The following MEMO1 variants were observed in gnomAD, a reference collection of about 807,000 sequenced individuals.
MEMO1 encodes protein MEMO1.
A neutral mutation model predicts 45.2 loss-of-function variants in MEMO1; 6 were observed. That is an observed-to-expected ratio of 0.13 (90% confidence interval 0.07 to 0.26). The LOEUF (loss-of-function observed/expected upper bound fraction) is 0.26. Ranked by LOEUF, MEMO1 falls within the 10% of genes least tolerant of loss-of-function variation. MEMO1 has a pLI of 1.00. For synonymous variants in MEMO1, 78 were observed against 124.3 expected (o/e 0.63, Z 2.48); for missense variants, 184 against 370.5 (o/e 0.50, Z 4.13).
intron 2 of MEMO1, among the ~76,000 whole-genome samples, chr2:32,002,253 G>A (rs1230702835): frequency 7.5e-5 from 10 of 133,766 alleles, no homozygotes; most frequent in East Asian, 2.1e-4. Context: ...ACATATATAC[G>A]TGTATATATA....
chr2:31,989,750 A>G (rs1671714511), intron 2 of MEMO1, among the ~76,000 whole-genome samples: 1 of 152,182 alleles, frequency 6.6e-6, no homozygotes, highest in Non-Finnish European at 1.5e-5. Flanking sequence ...ATTTTTTTTA[A>G]AAAAGGAACT....
At chr2:32,002,696 A>G (rs1673561742) in intron 2 of MEMO1, among the ~76,000 whole-genome samples, 1 of 152,202 alleles carries the variant, frequency 6.6e-6, no homozygotes, top group South Asian at 2.1e-4. Context: ...ATTAGGGATT[A>G]TATACATACA....
At chr2:32,002,352 C>A (rs542811309) in intron 2 of MEMO1, among the ~76,000 whole-genome samples, 1 of 148,486 alleles carries the variant, frequency 6.7e-6, no homozygotes, top group Admixed American at 6.8e-5. Context: ...TATATACATA[C>A]ATATGTATGA....
intron 5 of MEMO1, 72 bp from the exon 6 acceptor site, chr2:31,918,109 T>C (rs1309953958): frequency 6.0e-6 from 6 of 992,144 alleles, no homozygotes; most frequent in Non-Finnish European, 7.0e-6. Flanking sequence ...TTCCACCCAG[T>C]AACACAAAAC....
intron 7 of MEMO1, among the ~76,000 whole-genome samples, chr2:31,883,690 T>C (rs1388732255): frequency 2.6e-5 from 4 of 152,122 alleles, no homozygotes; most frequent in Non-Finnish European, 5.9e-5. Flanking sequence ...TGTTTCAAAT[T>C]GTAGAAACCT....
At chr2:31,928,346 C>T (rs1026430592) in intron 4 of MEMO1, among the ~76,000 whole-genome samples, 5 of 152,122 alleles carry the variant, frequency 3.3e-5, no homozygotes, top group African/African-American at 4.8e-5. Flanking sequence ...TGTTCGAGAC[C>T]AGCCTAGCCA....
At chr2:31,977,394 T>C (rs1464003591) in intron 2 of MEMO1, among the ~76,000 whole-genome samples, 1 of 152,190 alleles carries the variant, frequency 6.6e-6, no homozygotes, top group African/African-American at 2.4e-5. Flanking sequence ...GCAACATGCA[T>C]GGCTAAAATC....
At chr2:31,993,671 G>C (rs1672208655) in intron 2 of MEMO1, among the ~76,000 whole-genome samples, 1 of 152,242 alleles carries the variant, frequency 6.6e-6, no homozygotes, top group South Asian at 2.1e-4. Flanking sequence ...ACTCCACAAA[G>C]CCAAAGAAAC....
rs144866690 is a variant in MEMO1, at chr2:31,977,944, C to T, written c.61+32243G>A. Among the ~76,000 whole-genome samples, 278 of 152,172 alleles carry T rather than the reference C, an allele frequency of 1.8e-3. 2 individuals are homozygous for T. Among genetic ancestry groups the T allele is most frequent in the African/African-American group, 6.5e-3 (269 of 41,490 alleles). On this transcript the variant is annotated intron_variant, in intron 2 of 9. Coordinates refer to ENST00000404530, the MANE Select transcript of MEMO1 (RefSeq NM_001301833.4). The stretch of plus-strand genomic sequence containing the variant: ...ACATGGTTAATAATCTAGGATATTG[C>T]TTTATTAAAACTTATGCTTTATTAA...
At chr2:31,902,515 G>C (rs1679014300) in intron 6 of MEMO1, among the ~76,000 whole-genome samples, 1 of 151,980 alleles carries the variant, frequency 6.6e-6, no homozygotes, top group Non-Finnish European at 1.5e-5. Flanking sequence ...CCACTCACAA[G>C]CTGCTACCTA....
At chr2:31,894,514 T>C (rs961586146) in intron 6 of MEMO1, among the ~76,000 whole-genome samples, 1 of 152,174 alleles carries the variant, frequency 6.6e-6, no homozygotes. Context: ...AGAGACTTGA[T>C]AAATTTTCCA....
chr2:31,943,234 C>T, intron 3 of MEMO1, 68 bp downstream of exon 3: 1 of 1,197,220 alleles, frequency 8.4e-7, no homozygotes, highest in Non-Finnish European at 1.2e-6. Flanking sequence ...CACTGTACTT[C>T]AGCCTGGGCG....
chr2:31,875,527 A>C (rs1674429141), intron 8 of MEMO1, among the ~76,000 whole-genome samples: 1 of 152,104 alleles, frequency 6.6e-6, no homozygotes, highest in Admixed American at 6.5e-5. Flanking sequence ...TGAGTTCCAA[A>C]CCAAAATAGT....
chr2:31,899,334 GATAT>G (rs1457720246), intron 6 of MEMO1, among the ~76,000 whole-genome samples: 1 of 152,148 alleles, frequency 6.6e-6, no homozygotes, highest in African/African-American at 2.4e-5. Flanking sequence ...TACCAAAACA[GATAT>G]ATAGACCAAT....
chr2:31,892,545 C>T (rs191974678), intron 6 of MEMO1, among the ~76,000 whole-genome samples: 1 of 152,270 alleles, frequency 6.6e-6, no homozygotes, highest in African/African-American at 2.4e-5. Flanking sequence ...TCTTCCTCAC[C>T]TATTTTAATC....
At chr2:31,931,977 A>C in intron 4 of MEMO1, 90 bp downstream of exon 4, 1 of 1,103,068 alleles carries the variant, frequency 9.1e-7, no homozygotes, top group Non-Finnish European at 1.4e-6. Context: ...TGAGTACATA[A>C]TAACAATAAG....
intron 2 of MEMO1, among the ~76,000 whole-genome samples, chr2:31,977,941 T>C (rs1430165715): frequency 2.0e-5 from 3 of 152,220 alleles, no homozygotes; most frequent in Non-Finnish European, 4.4e-5. Flanking sequence ...ATCTAGGATA[T>C]TGCTTTATTA....
chr2:31,870,104 CA>C, intron 8 of MEMO1, 152 bp from the exon 9 acceptor site: 1 of 620,996 alleles, frequency 1.6e-6, no homozygotes, highest in Non-Finnish European at 2.4e-6. Flanking sequence ...TGTGAAACAT[CA>C]AACTCATTCA....
intron 6 of MEMO1, among the ~76,000 whole-genome samples, chr2:31,909,811 GAGAA>G (rs1312707757): frequency 5.3e-5 from 8 of 152,034 alleles, no homozygotes; most frequent in Admixed American, 3.3e-4. Context: ...AGCAGAAGGA[GAGAA>G]AGAAATACAG....
Sources: allele counts gnomAD v4.1 joint callset (sites outside exome capture counted in the v4.1 genomes callset), GRCh38; gene constraint gnomAD v4.1.1; transcripts MANE v1.5; gene names NCBI Gene and HGNC (gene_info 2026-07-23, HGNC 2026-07-21).